The following P3H2 variants were observed in gnomAD, a reference collection of about 807,000 sequenced individuals.
P3H2 encodes prolyl 3-hydroxylase 2.
P3H2 carries 80 observed loss-of-function variants against 87.0 expected under a neutral mutation model. That is an observed-to-expected ratio of 0.92 (90% CI 0.77 to 1.11). P3H2 has a LOEUF of 1.11. P3H2 is among the 50% of genes least tolerant of loss of function. P3H2 has a pLI of 0.00. For missense variants in P3H2, 1,001 were observed against 923.9 expected, an observed-to-expected ratio of 1.08 and a Z score of -1.08; for synonymous variants, 367 against 359.3, an observed-to-expected ratio of 1.02 and a Z score of -0.24.
intron 14 of P3H2, among the ~76,000 whole-genome samples, chr3:189,960,030 CTT>C (rs973469888): frequency 1.3e-5 from 2 of 152,280 alleles, no homozygotes; most frequent in Admixed American, 6.5e-5. Context: ...CACTCTCCCT[CTT>C]GTCTGCCATA....
intron 2 of P3H2, among the ~76,000 whole-genome samples, chr3:189,994,524 G>C (rs930554900): frequency 6.6e-6 from 1 of 152,132 alleles, no homozygotes; most frequent in South Asian, 2.1e-4. Flanking sequence ...TATGTGATCA[G>C]TCAATGTCGT....
chr3:190,051,403 C>T (rs1036495082), intron 1 of P3H2, among the ~76,000 whole-genome samples: 9 of 152,116 alleles, frequency 5.9e-5, no homozygotes, highest in East Asian at 1.9e-4. Context: ...CAATTTAATA[C>T]GGAAAAGGTA....
intron 1 of P3H2, among the ~76,000 whole-genome samples, chr3:190,033,821 T>G (rs1322936724): frequency 6.6e-6 from 1 of 152,232 alleles, no homozygotes; most frequent in Non-Finnish European, 1.5e-5. Flanking sequence ...TGTTGTTGTT[T>G]ATTTTTCCAA....
At chr3:190,027,202 C>T (rs973907129) in intron 1 of P3H2, among the ~76,000 whole-genome samples, 2 of 152,180 alleles carry the variant, frequency 1.3e-5, no homozygotes, top group Admixed American at 6.5e-5. Context: ...GCTCTGAGGC[C>T]TGTAGTTTTA....
chr3:190,055,692 A>G (rs1726132579), intron 1 of P3H2, among the ~76,000 whole-genome samples: 1 of 152,230 alleles, frequency 6.6e-6, no homozygotes, highest in Non-Finnish European at 1.5e-5. Flanking sequence ...TGAGGCAAGT[A>G]CAAACAAAAT....
chr3:190,015,414 T>C (rs895677933), intron 1 of P3H2, among the ~76,000 whole-genome samples: 1 of 152,176 alleles, frequency 6.6e-6, no homozygotes, highest in East Asian at 1.9e-4. Context: ...TGCTTCAGTG[T>C]ATAACAAGCC....
intron 1 of P3H2, among the ~76,000 whole-genome samples, chr3:190,091,802 G>A (rs1161494505): frequency 1.3e-5 from 2 of 152,162 alleles, no homozygotes; most frequent in African/African-American, 4.8e-5. Flanking sequence ...CTGTGAAGTA[G>A]GAAATGTTAC....
In P3H2 at chr3:189,995,558, T is replaced by TTG. The variant is rs1306957862; in HGVS notation, c.481-117_481-116insCA. The TTG allele has an allele frequency of 1.1e-4, 120 of 1,049,630 alleles. 1 individual carries two copies. Among genetic ancestry groups the TTG allele is most frequent in the South Asian group, 4.6e-4 (30 of 64,600 alleles). The allele number at this position is 1,049,630 out of a possible 1,614,324, so 65.0% of individuals were successfully genotyped here. ...TAAGAATGAAACTAGGAGCCTTGGT[T>TTG]TTTTTTTTTTTTATCAGACAGGCAA... is the stretch of plus-strand genomic sequence containing the variant. On this transcript the variant is annotated intron_variant, in intron 1 of 14. Coordinates refer to ENST00000319332, the MANE Select transcript of P3H2 (RefSeq NM_018192.4).
intron 1 of P3H2, among the ~76,000 whole-genome samples, chr3:190,071,491 A>T (rs1411151207): frequency 1.3e-5 from 2 of 152,252 alleles, no homozygotes; most frequent in Non-Finnish European, 2.9e-5. Context: ...TAGCCACTAT[A>T]AACAGTAGCA....
At chr3:190,037,908 T>G (rs551196092) in intron 1 of P3H2, among the ~76,000 whole-genome samples, 1 of 53,770 alleles carries the variant, frequency 1.9e-5, no homozygotes, top group South Asian at 6.2e-4. Flanking sequence ...ATCACCAACA[T>G]TTATTTTTGT....
chr3:189,977,770 T>A (rs1375107013), intron 8 of P3H2, among the ~76,000 whole-genome samples: 45 of 151,730 alleles, frequency 3.0e-4, no homozygotes, highest in Admixed American at 2.3e-3. Context: ...CTAGTTTATT[T>A]TTTTTTTTGT....
intron 1 of P3H2, among the ~76,000 whole-genome samples, chr3:190,041,591 C>G (rs111269946): frequency 1.5e-3 from 229 of 152,296 alleles, no homozygotes; most frequent in African/African-American, 5.4e-3. Flanking sequence ...AGCTACTTTG[C>G]AACCTGAAAG....
intron 1 of P3H2, among the ~76,000 whole-genome samples, chr3:190,084,909 T>C (rs1348512103): frequency 6.6e-6 from 1 of 151,748 alleles, no homozygotes; most frequent in Non-Finnish European, 1.5e-5. Flanking sequence ...CTAAGGGTAA[T>C]TCCTTTTACC....
chr3:190,112,603 A>G (rs1712112508), intron 1 of P3H2, among the ~76,000 whole-genome samples: 1 of 152,162 alleles, frequency 6.6e-6, no homozygotes, highest in African/African-American at 2.4e-5. Context: ...TAACAGGACA[A>G]TGCAGGGGTA....
At chr3:190,115,347 G>A (rs567722387) in intron 1 of P3H2, among the ~76,000 whole-genome samples, 1 of 151,186 alleles carries the variant, frequency 6.6e-6, no homozygotes, top group South Asian at 2.1e-4. Context: ...ACAAGCAGGG[G>A]CAAGCTTGTT....
chr3:190,089,181 G>T (rs753260408), intron 1 of P3H2, among the ~76,000 whole-genome samples: 34 of 152,234 alleles, frequency 2.2e-4, no homozygotes, highest in Non-Finnish European at 4.7e-4. Context: ...AGAACACTTG[G>T]ACACAGAGTG....
At chr3:190,022,811 G>A (rs1210747495) in intron 1 of P3H2, among the ~76,000 whole-genome samples, 1 of 151,918 alleles carries the variant, frequency 6.6e-6, no homozygotes, top group Non-Finnish European at 1.5e-5. Context: ...GTCCAATACA[G>A]GGCAAAAAAT....
In P3H2 at chr3:189,970,907, G is replaced by C. The variant is rs751872172; in HGVS notation, c.1818-16C>G. The C allele has an allele frequency of 9.5e-6, 13 of 1,373,406 alleles. No homozygotes were observed. Among genetic ancestry groups the C allele is most frequent in the Non-Finnish European group, 1.2e-5 (12 of 960,572 alleles). 85.1% of individuals were successfully genotyped at this position (1,373,406 alleles called of 1,614,324 possible). On this transcript the variant is annotated splice_polypyrimidine_tract_variant and intron_variant, in intron 12 of 14. Transcript: ENST00000319332. ...TAGGAGAGCACTATAAGAATGAAGA[G>C]AAAACTATTTGTATTATTATATGCT...
intron 1 of P3H2, among the ~76,000 whole-genome samples, chr3:190,011,498 G>A (rs1724587182): frequency 6.6e-6 from 1 of 152,028 alleles, no homozygotes. Context: ...TTATTTTATT[G>A]GAAGTAAACA....
Sources: gnomAD v4.1 joint callset for allele counts (sites outside exome capture counted in the v4.1 genomes callset) on GRCh38, gnomAD v4.1.1 for gene constraint, MANE v1.5 for transcripts, NCBI Gene and HGNC (gene_info 2026-07-23, HGNC 2026-07-21) for gene names.